PRKN: variants seen among roughly 807,000 people sequenced by gnomAD.
The protein encoded by PRKN is E3 ubiquitin-protein ligase parkin.
Under a neutral mutation model 59.5 loss-of-function variants are expected in PRKN, and 56 were observed. That is an observed-to-expected ratio of 0.94 (90% CI 0.76 to 1.18). The LOEUF is 1.18. Ranked by LOEUF, PRKN falls within the 50% of genes most tolerant of loss-of-function variation. The probability of loss-of-function intolerance (pLI) is 0.00; values close to 1 mark genes in which losing one functional copy is unlikely to be tolerated. For synonymous variants in PRKN, 250 were observed against 222.1 expected, an observed-to-expected ratio of 1.13 and a Z score of -1.12; for missense variants, 657 against 596.4, an observed-to-expected ratio of 1.10 and a Z score of -1.06.
At chr6:162,350,062 G>T (rs1257807547) in intron 2 of PRKN, among the ~76,000 whole-genome samples, 1 of 151,994 alleles carries the variant, frequency 6.6e-6, no homozygotes, top group African/African-American at 2.4e-5. Flanking sequence ...GCAACAAACT[G>T]TTGGAAATTA....
intron 3 of PRKN, among the ~76,000 whole-genome samples, chr6:162,220,399 G>A (rs1777875506): frequency 6.6e-6 from 1 of 152,120 alleles, no homozygotes; most frequent in Non-Finnish European, 1.5e-5. Flanking sequence ...GAGTAAACAG[G>A]CAACTACAGT....
chr6:162,568,353 C>T, intron 1 of PRKN: 1 of 373,360 alleles, frequency 2.7e-6, no homozygotes. Context: ...TGGTTCAATC[C>T]ACTTGCCTCT....
intron 6 of PRKN, among the ~76,000 whole-genome samples, chr6:161,886,877 T>A (rs1795175260): frequency 6.6e-6 from 1 of 152,178 alleles, no homozygotes; most frequent in African/African-American, 2.4e-5. Context: ...TTAGGGAAAT[T>A]TTCTCCGTAT....
At chr6:162,189,258 G>C (rs981721591) in intron 4 of PRKN, among the ~76,000 whole-genome samples, 6 of 151,778 alleles carry the variant, frequency 4.0e-5, no homozygotes, top group African/African-American at 1.2e-4. Context: ...ATCTTCTATA[G>C]GAGGGAATTG....
intron 5 of PRKN, among the ~76,000 whole-genome samples, chr6:161,975,613 G>A (rs1780998173): frequency 6.6e-6 from 1 of 152,096 alleles, no homozygotes; most frequent in South Asian, 2.1e-4. Context: ...GAATCACTCG[G>A]GTGGGAGGGG....
intron 9 of PRKN, among the ~76,000 whole-genome samples, chr6:161,481,920 G>C (rs1252433915): frequency 1.3e-5 from 2 of 149,732 alleles, no homozygotes; most frequent in African/African-American, 2.4e-5. Flanking sequence ...AGGGAGGGAG[G>C]GGGGAAGCCA....
chr6:162,377,376 C>T (rs564515324), intron 2 of PRKN, among the ~76,000 whole-genome samples: 5 of 152,306 alleles, frequency 3.3e-5, no homozygotes, highest in South Asian at 4.1e-4. Context: ...AGTGACACCA[C>T]GCTCGGTGAC....
chr6:161,823,249 T>G (rs572820994), intron 6 of PRKN, among the ~76,000 whole-genome samples: 3 of 152,250 alleles, frequency 2.0e-5, no homozygotes, highest in Non-Finnish European at 4.4e-5. Flanking sequence ...GTTTTTCTTT[T>G]TTTCCTGTTG....
At position 161,715,262 on chromosome 6, in the gene PRKN, A is replaced by G. The variant is rs1583044514; in HGVS notation, c.871+70510T>C. Reference sequence around the variant, plus strand: ...CAATGTAGCAGATAACAAAAGGCAAATATAATTTGAATCAGAGAATGGCAG... The same window carrying G: ...CAATGTAGCAGATAACAAAAGGCAAGTATAATTTGAATCAGAGAATGGCAG... On this transcript the variant is annotated intron_variant, in intron 7 of 11. Coordinates refer to ENST00000366898, the MANE Select transcript of PRKN (RefSeq NM_004562.3). 2.0e-5 allele frequency among the ~76,000 whole-genome samples: 3 copies of G among 152,196 alleles called. No homozygotes were observed. The South Asian group carries it at 6.2e-4, about 31-fold the overall frequency.
chr6:161,772,760 A>G (rs1583141538), intron 7 of PRKN, among the ~76,000 whole-genome samples: 1 of 152,176 alleles, frequency 6.6e-6, no homozygotes. Context: ...TTCACACCCA[A>G]TAACACACAT....
At chr6:162,213,446 TGCTG>T (rs200149922) in intron 3 of PRKN, among the ~76,000 whole-genome samples, 3,926 of 152,240 alleles carry the variant, frequency 0.026, 189 homozygotes, top group African/African-American at 0.09. Context: ...AGTAAAACGA[TGCTG>T]GGCACAGTGG....
chr6:162,269,624 A>G (rs1032462372), intron 2 of PRKN: 1 of 152,194 alleles, frequency 6.6e-6, no homozygotes, highest in African/African-American at 2.4e-5. Context: ...ACCACTGTCT[A>G]TGGTCTGTAA....
intron 4 of PRKN, among the ~76,000 whole-genome samples, chr6:162,084,992 T>C (rs918163216): frequency 9.9e-5 from 15 of 151,632 alleles, no homozygotes; most frequent in African/African-American, 3.6e-4. Flanking sequence ...TAAAGTGACA[T>C]GTTATTCCAT....
chr6:161,516,826 C>CAAA (rs369136348), intron 9 of PRKN, among the ~76,000 whole-genome samples: 5,312 of 63,146 alleles, frequency 0.084, 493 homozygotes, highest in African/African-American at 0.18. Flanking sequence ...GACTCAATCT[C>CAAA]AAAAAAAAAA....
intron 2 of PRKN, among the ~76,000 whole-genome samples, chr6:162,437,685 G>A (rs1012092976): frequency 4.6e-5 from 7 of 152,040 alleles, no homozygotes; most frequent in Non-Finnish European, 8.8e-5. Flanking sequence ...TTCAGTGTAC[G>A]ATCTTTGGGG....
intron 4 of PRKN, among the ~76,000 whole-genome samples, chr6:162,139,831 T>G (rs1177817564): frequency 6.6e-6 from 1 of 151,432 alleles, no homozygotes; most frequent in Non-Finnish European, 1.5e-5. Context: ...GGTGCCTGCC[T>G]GCAAGCCTAC....
At chr6:162,379,698 T>A (rs907699966) in intron 2 of PRKN, among the ~76,000 whole-genome samples, 2 of 152,180 alleles carry the variant, frequency 1.3e-5, no homozygotes, top group East Asian at 3.9e-4. Flanking sequence ...GCAGGTTTCC[T>A]TGGCGTCTCC....
intron 1 of PRKN, among the ~76,000 whole-genome samples, chr6:162,671,497 CAAA>C (rs5881490): frequency 9.9e-5 from 11 of 111,654 alleles, no homozygotes; most frequent in Non-Finnish European, 1.1e-4. Context: ...GACTCTGTCT[CAAA>C]AAAAAAAAAA....
intron 1 of PRKN, among the ~76,000 whole-genome samples, chr6:162,488,088 T>C (rs1792638669): frequency 6.7e-6 from 1 of 149,846 alleles, no homozygotes; most frequent in Non-Finnish European, 1.5e-5. Flanking sequence ...ATTTAGGAAT[T>C]AGTCCTCTGC....
Sources: gnomAD v4.1 joint callset for allele counts (sites outside exome capture counted in the v4.1 genomes callset) on GRCh38, gnomAD v4.1.1 for gene constraint, MANE v1.5 for transcripts, NCBI Gene and HGNC (gene_info 2026-07-23, HGNC 2026-07-21) for gene names.